Variants in CEP72 observed in about 807,000 individuals in gnomAD.
CEP72 encodes centrosomal protein 72, also known as centrosomal protein of 72 kDa.
In CEP72, 78 loss-of-function variants were observed where a neutral mutation model predicts 65.7. That is an observed-to-expected ratio of 1.19 (90% CI 0.99 to 1.43). CEP72 has a LOEUF of 1.43. Ranked by LOEUF, CEP72 falls within the 40% of genes most tolerant of loss-of-function variation. The pLI is 0.00. For synonymous variants in CEP72, 358 were observed against 351.7 expected (o/e 1.02, Z -0.20); for missense variants, 914 against 832.9 (o/e 1.10, Z -1.20).
chr5:632,988 C>T (rs1737304036), intron 4 of CEP72, among the ~76,000 whole-genome samples: 1 of 84,276 alleles, frequency 1.2e-5, no homozygotes, highest in Non-Finnish European at 2.2e-5. Flanking sequence ...TGGTGGGGTT[C>T]TGTCCAGTGC....
chr5:627,292 C>T (rs1736818850), intron 4 of CEP72, among the ~76,000 whole-genome samples: 1 of 152,168 alleles, frequency 6.6e-6, no homozygotes, highest in African/African-American at 2.4e-5. Flanking sequence ...CTTTTGTTTC[C>T]CTTTTAATGT....
intron 9 of CEP72, chr5:641,085 G>A (rs1422487821): frequency 2.0e-6 from 2 of 985,308 alleles, no homozygotes; most frequent in African/African-American, 3.5e-5. Context: ...TGGGCCTCAG[G>A]CTCAGCTCAG....
chr5:635,490 G>C lies in CEP72; in HGVS notation c.810G>C (p.Trp270Cys). 1 of 1,614,138 alleles carries C rather than the reference G, an allele frequency of 6.2e-7. No homozygotes were observed. The highest frequency in any genetic ancestry group is 8.5e-7 in the Non-Finnish European group (1 of 1,180,016). Reference protein sequence around the residue: ...CRGCCLEKMPWSQLCGELPPL... With the variant: ...CRGCCLEKMPCSQLCGELPPL... ...GGTGCTGTCTGGAGAAGATGCCTTG[G>C]AGCCAGCTCTGTGGAGAGCTTCCGC... Residue 270 changes from tryptophan (W) to cysteine (C), a missense_variant, in exon 6 of 12, where the codon TGG becomes TGC. Physicochemically the swap from Trp to Cys is radical, Grantham distance 215. Transcript: ENST00000264935.
rs544285513 is a variant in CEP72, at chr5:623,119, G to A, written c.404-1352G>A. Among the ~76,000 whole-genome samples, 1 of 140,502 alleles carries A rather than the reference G, an allele frequency of 7.1e-6. No individual in the cohort carries two copies. The highest frequency in any genetic ancestry group is 2.1e-4 in the East Asian group (1 of 4,718). The allele number at this position is 140,502 out of a possible 152,430, so 92.2% of individuals were successfully genotyped here. The stretch of plus-strand genomic sequence containing the variant: ...CGACCGTCTCCCTCTTAGTGTTTCT[G>A]CAGAGAGTTTCTGCAGAGAAGGAGC... On this transcript the variant is annotated intron_variant, in intron 3 of 11. Transcript: ENST00000264935. The surrounding 1 kb of genome is among the most constrained non-coding windows in gnomAD (Gnocchi z 5.3).
At chr5:625,016 T>A (rs988331145) in intron 4 of CEP72, among the ~76,000 whole-genome samples, 3 of 152,156 alleles carry the variant, frequency 2.0e-5, no homozygotes, top group Non-Finnish European at 2.9e-5. Context: ...TCCCCCACCC[T>A]TTCTGTGACG....
downstream of CEP72, chr5:661,012 A>G (rs1204599441): frequency 3.3e-5 from 5 of 152,270 alleles, no homozygotes; most frequent in Non-Finnish European, 7.3e-5. Flanking sequence ...TTAAACATAT[A>G]ATTTGAACTT....
chr5:649,441 T>C (rs1290615883), intron 11 of CEP72, among the ~76,000 whole-genome samples: 1 of 114,690 alleles, frequency 8.7e-6, no homozygotes. Flanking sequence ...GAGGGGTGAC[T>C]GTGAGGTGTG....
rs1383370874 is a variant in CEP72, at chr5:624,525, C to G, written c.458C>G (p.Ser153Ter). The change falls in exon 4 of 12, where the codon TCA becomes TGA. Residue 153 changes from serine to a stop codon, truncating the protein, a stop_gained. Transcript: ENST00000264935. LOFTEE classifies it high-confidence loss of function. This position sits in a 1 kb window ranked among gnomAD's most constrained non-coding sequence, Gnocchi z 4.7. The stretch of plus-strand genomic sequence containing the variant: ...AAGGCTTCCCGACTGCATTTTGCAT[C>G]AGAGGACTCACTCGACTCCAAAGAG... ...ERKASRLHFA[S>*]EDSLDSKESV... The G allele has an allele frequency of 1.2e-6, 2 of 1,614,182 alleles. No homozygotes were observed. The highest frequency in any genetic ancestry group is 8.5e-7 in the Non-Finnish European group (1 of 1,179,978).
In CEP72 at chr5:649,504, T is replaced by TG. The variant is rs1343148352; in HGVS notation, c.1778+1589dup. 9.8e-4 allele frequency among the ~76,000 whole-genome samples: 18 copies of TG among 18,428 alleles called. 2 individuals are homozygous for TG. Among genetic ancestry groups the TG allele is most frequent in the African/African-American group, 4.4e-3 (15 of 3,386 alleles). The allele number at this position is 18,428 out of a possible 152,430, so 12.1% of individuals were successfully genotyped here. A position where few individuals can be genotyped will look rare whatever the true frequency, so the allele number is the denominator to read the frequency against. ...ACTGTGAGGTGTGGACTGTGAGGTGTGACTGTGAGGTGTGACTGTGAGGTG... is the reference window on the plus strand; with the variant it reads ...ACTGTGAGGTGTGGACTGTGAGGTGTGGACTGTGAGGTGTGACTGTGAGGTG... On this transcript the variant is annotated intron_variant, in intron 11 of 11. Transcript: ENST00000264935.
chr5:633,589 T>C (rs1737372422), intron 4 of CEP72, among the ~76,000 whole-genome samples, 180 bp from the exon 5 acceptor site: 3 of 152,242 alleles, frequency 2.0e-5, no homozygotes, highest in Non-Finnish European at 4.4e-5. Context: ...GCTCACCGAT[T>C]GTCCTTGGTG....
chr5:638,696 C>T (rs1370785359), intron 7 of CEP72, among the ~76,000 whole-genome samples: 3 of 152,156 alleles, frequency 2.0e-5, no homozygotes, highest in African/African-American at 4.8e-5. Flanking sequence ...TTGCTGGGGA[C>T]AGCGCCTGGC....
chr5:613,741 G>A (rs988436335), intron 1 of CEP72, among the ~76,000 whole-genome samples: 1 of 152,224 alleles, frequency 6.6e-6, no homozygotes, highest in African/African-American at 2.4e-5. Context: ...GGAGGTAAGG[G>A]CCATGGAATT....
At chr5:626,681 A>C (rs1453339392) in intron 4 of CEP72, among the ~76,000 whole-genome samples, 3 of 151,978 alleles carry the variant, frequency 2.0e-5, no homozygotes, top group African/African-American at 7.3e-5. Context: ...TTCTTAATTA[A>C]CTGGGTATGG....
At chr5:663,683 T>TC (rs778617877) in intron 2 of CEP72, 2 of 152,364 alleles carry the variant, frequency 1.3e-5, no homozygotes, top group Non-Finnish European at 2.9e-5. Context: ...GCCACCCTCC[T>TC]GTACTGTGAG....
At chr5:674,688 C>T in the CEP72 span, among the ~76,000 whole-genome samples, 1 of 152,044 alleles carries the variant, frequency 6.6e-6, no homozygotes, top group African/African-American at 2.4e-5. Flanking sequence ...CTACACAGGC[C>T]CACACCGCAT....
At chr5:635,649 A>G in intron 6 of CEP72, 65 bp downstream of exon 6, 1 of 1,299,716 alleles carries the variant, frequency 7.7e-7, no homozygotes, top group Non-Finnish European at 1.1e-6. Context: ...TGAGTAATTT[A>G]TAAAGAACAG....
intron 11 of CEP72, among the ~76,000 whole-genome samples, chr5:649,595 T>TG (rs1292674729): frequency 3.1e-5 from 3 of 98,304 alleles, no homozygotes; most frequent in African/African-American, 8.0e-5. Flanking sequence ...GACTGAGGCG[T>TG]GACTGTGAGG....
intron 2 of CEP72, among the ~76,000 whole-genome samples, chr5:619,677 A>G (rs916347162): frequency 1.3e-5 from 2 of 152,232 alleles, no homozygotes. Flanking sequence ...AGCCCAGGCT[A>G]CACCCAGTGC....
intron 10 of CEP72, among the ~76,000 whole-genome samples, chr5:646,512 G>T (rs1738434355): frequency 6.6e-6 from 1 of 152,056 alleles, no homozygotes; most frequent in East Asian, 1.9e-4. Flanking sequence ...CTCCTTCTGG[G>T]GATTCTCAGG....
Sources: allele counts gnomAD v4.1 joint callset (sites outside exome capture counted in the v4.1 genomes callset), GRCh38; gene constraint gnomAD v4.1.1; non-coding constraint Gnocchi (gnomAD v3.1); transcripts MANE v1.5; gene names NCBI Gene and HGNC (gene_info 2026-07-23, HGNC 2026-07-21).